Variants in CAB39L observed in about 807,000 individuals in gnomAD.
CAB39L encodes the protein calcium-binding protein 39-like.
Under a neutral mutation model 39.1 loss-of-function variants are expected in CAB39L, and 23 were observed. The observed-to-expected ratio is 0.59, with a 90% confidence interval of 0.42 to 0.83. CAB39L has a LOEUF of 0.83. Ranked by LOEUF, CAB39L falls within the 40% of genes least tolerant of loss-of-function variation. The probability of loss-of-function intolerance (pLI) is 0.00; values close to 1 mark genes in which losing one functional copy is unlikely to be tolerated. For synonymous variants in CAB39L, 126 were observed against 137.2 expected (o/e 0.92, Z 0.57); for missense variants, 366 against 391.9 (o/e 0.93, Z 0.56).
chr13:49,335,930 T>C (rs965421182), intron 9 of CAB39L, among the ~76,000 whole-genome samples: 2 of 152,214 alleles, frequency 1.3e-5, no homozygotes, highest in Non-Finnish European at 2.9e-5. Context: ...GACAGTTTAT[T>C]ACTTACAAAG....
At chr13:49,407,672 C>G (rs9526557) in intron 3 of CAB39L, among the ~76,000 whole-genome samples, 53,449 of 151,360 alleles carry the variant, frequency 0.35, 9,773 homozygotes, top group Middle Eastern at 0.42. Flanking sequence ...ATTGGTTTTA[C>G]AGTTATTTAT....
chr13:49,349,802 G>T lies in CAB39L; in HGVS notation c.564+942C>A, dbSNP rs78644277. Among the ~76,000 whole-genome samples, 34 of 152,092 alleles carry T rather than the reference G, an allele frequency of 2.2e-4. No homozygotes were observed. The East Asian group carries it at 6.6e-3, about 29-fold the overall frequency. ...TAAAAGTTTGCCATTATTGAAAAAT[G>T]AGCATGTAATACACATTGATACCAA... On this transcript the variant is annotated intron_variant, in intron 7 of 10. Coordinates refer to ENST00000409308, the MANE Select transcript of CAB39L (RefSeq NM_001079670.3).
At chr13:49,383,060 G>T in intron 3 of CAB39L, 119 bp from the exon 4 acceptor site, 1 of 423,772 alleles carries the variant, frequency 2.4e-6, no homozygotes, top group Non-Finnish European at 4.2e-6. Flanking sequence ...CATTAAAAGT[G>T]ATCAAATTAA....
intron 3 of CAB39L, among the ~76,000 whole-genome samples, chr13:49,419,278 C>G (rs1359224119): frequency 6.6e-6 from 1 of 152,200 alleles, no homozygotes; most frequent in Non-Finnish European, 1.5e-5. Context: ...AAAATATTTT[C>G]AAAGAACTAT....
At chr13:49,352,113 A>C (rs1244073694) in intron 6 of CAB39L, among the ~76,000 whole-genome samples, 1 of 152,044 alleles carries the variant, frequency 6.6e-6, no homozygotes, top group Non-Finnish European at 1.5e-5. Flanking sequence ...CTGTGGACTG[A>C]TTGACTCACT....
At chr13:49,378,719 T>G (rs1366291153) in intron 4 of CAB39L, among the ~76,000 whole-genome samples, 515 of 16,032 alleles carry the variant, frequency 0.032, no homozygotes, top group Non-Finnish European at 0.042. Flanking sequence ...GAGGTGGGGG[T>G]GTCGGCCCCC....
chr13:49,347,884 C>G (rs1955228450), intron 7 of CAB39L, among the ~76,000 whole-genome samples: 1 of 152,060 alleles, frequency 6.6e-6, no homozygotes, highest in Non-Finnish European at 1.5e-5. Context: ...TTCCTTCCTT[C>G]CCTCACTCGG....
intron 3 of CAB39L, among the ~76,000 whole-genome samples, chr13:49,395,712 C>T (rs557462023): frequency 2.6e-5 from 4 of 152,138 alleles, no homozygotes; most frequent in South Asian, 4.1e-4. Context: ...TTTCCTAATA[C>T]ACAGTAAAAT....
chr13:49,402,828 C>T (rs1001447196), intron 3 of CAB39L, among the ~76,000 whole-genome samples: 9 of 151,958 alleles, frequency 5.9e-5, no homozygotes, highest in African/African-American at 9.7e-5. Context: ...GTATCAAAGA[C>T]GACTAGAGAT....
chr13:49,439,921 GTTTTTTT>G (rs34993624), intron 1 of CAB39L, among the ~76,000 whole-genome samples: 8 of 78,584 alleles, frequency 1.0e-4, no homozygotes, highest in African/African-American at 2.8e-4. Flanking sequence ...TTTTTAATGG[GTTTTTTT>G]TTTTTTTTTT....
intron 6 of CAB39L, among the ~76,000 whole-genome samples, chr13:49,356,547 T>C (rs1323253691): frequency 1.3e-5 from 2 of 152,358 alleles, no homozygotes; most frequent in East Asian, 3.9e-4. Context: ...ATAATTCTCT[T>C]TGATACACAA....
intron 3 of CAB39L, among the ~76,000 whole-genome samples, chr13:49,431,944 G>A (rs1452554769): frequency 6.6e-6 from 1 of 151,810 alleles, no homozygotes; most frequent in Non-Finnish European, 1.5e-5. Context: ...CATACTACTT[G>A]GCAATAAAAA....
chr13:49,436,976 G>A (rs1428102770), intron 1 of CAB39L, among the ~76,000 whole-genome samples: 9 of 152,044 alleles, frequency 5.9e-5, no homozygotes, highest in Non-Finnish European at 1.0e-4. Flanking sequence ...TCACTATAGT[G>A]CCCAGGCTGG....
chr13:49,374,772 C>A (rs187570113), intron 5 of CAB39L, among the ~76,000 whole-genome samples: 1 of 152,170 alleles, frequency 6.6e-6, no homozygotes, highest in Admixed American at 6.5e-5. Context: ...CTGAACCTGA[C>A]GACATCTCAT....
chr13:49,344,460 T>G (rs1262418855), intron 7 of CAB39L, among the ~76,000 whole-genome samples: 2 of 152,176 alleles, frequency 1.3e-5, no homozygotes, highest in Non-Finnish European at 2.9e-5. Context: ...CAAATTCATA[T>G]TGTTAGATTT....
At chr13:49,321,274 T>C (rs1348674448) in intron 10 of CAB39L, among the ~76,000 whole-genome samples, 2 of 152,244 alleles carry the variant, frequency 1.3e-5, no homozygotes, top group African/African-American at 4.8e-5. Context: ...TTGCATTCTG[T>C]ACATAGTACT....
At position 49,310,172 on chromosome 13, in the gene CAB39L, C is replaced by T. The variant is rs1953945628; in HGVS notation, c.*642G>A. On this transcript the variant is annotated 3_prime_UTR_variant, in exon 11 of 11. Coordinates refer to ENST00000409308, the MANE Select transcript of CAB39L (RefSeq NM_001079670.3). The stretch of plus-strand genomic sequence containing the variant: ...ATCCTCTTCCTGCTCAGTTGCTCCC[C>T]TGCTCACCTGGACTGCGGGAGGCAT... 6.6e-6 allele frequency: 1 copy of T among 152,504 alleles called. No individual in the cohort carries two copies. The highest frequency in any genetic ancestry group is 1.5e-5 in the Non-Finnish European group (1 of 68,296). 9.4% of individuals were successfully genotyped at this position (152,504 alleles called of 1,614,324 possible). A position where few individuals can be genotyped will look rare whatever the true frequency, so the allele number is the denominator to read the frequency against.
chr13:49,330,193 GT>G (rs1277739919), intron 10 of CAB39L, among the ~76,000 whole-genome samples: 1 of 152,160 alleles, frequency 6.6e-6, no homozygotes, highest in Non-Finnish European at 1.5e-5. Context: ...TCCATATCAT[GT>G]TTTCTCTTTT....
rs758503230 is a variant in CAB39L at position 49,359,847 on chromosome 13, A to C, written c.277-15T>G. On this transcript the variant is annotated splice_polypyrimidine_tract_variant and intron_variant, in intron 5 of 10. Transcript: ENST00000409308. The stretch of plus-strand genomic sequence containing the variant: ...TCTTTTTTTCCCTGTTAAAGAAACA[A>C]ACAGAAATTAAATTGTACACTCTAA... 2 of 1,427,974 alleles carry C rather than the reference A, an allele frequency of 1.4e-6. No individual in the cohort carries two copies. Among genetic ancestry groups the C allele is most frequent in the Non-Finnish European group, 2.0e-6 (2 of 1,011,920 alleles). The allele number at this position is 1,427,974 out of a possible 1,614,324, so 88.5% of individuals were successfully genotyped here.
Sources: allele counts gnomAD v4.1 joint callset (sites outside exome capture counted in the v4.1 genomes callset), GRCh38; gene constraint gnomAD v4.1.1; transcripts MANE v1.5; gene names NCBI Gene and HGNC (gene_info 2026-07-23, HGNC 2026-07-21).